The following SEZ6L variants were observed in gnomAD, a reference collection of about 807,000 sequenced individuals.
SEZ6L encodes the protein seizure related 6 homolog like, also known as seizure 6-like protein.
SEZ6L carries 37 observed loss-of-function variants against 106.2 expected under a neutral mutation model. The observed-to-expected ratio is 0.35, with a 90% CI of 0.27 to 0.46. The LOEUF (loss-of-function observed/expected upper bound fraction) is 0.46. Among genes scored for constraint, SEZ6L ranks in the 20% least tolerant of loss-of-function variants. SEZ6L has a pLI of 1.00. For synonymous variants in SEZ6L, 541 were observed against 570.4 expected, an observed-to-expected ratio of 0.95 and a Z score of 0.73; for missense variants, 1,172 against 1,332.8, an observed-to-expected ratio of 0.88 and a Z score of 1.88.
chr22:26,327,147 C>T (rs62225712), intron 9 of SEZ6L, among the ~76,000 whole-genome samples: 15,615 of 151,634 alleles, frequency 0.1, 1,132 homozygotes, highest in Admixed American at 0.24. Flanking sequence ...CTTCCTCCAG[C>T]AATGCAGAGC....
intron 12 of SEZ6L, among the ~76,000 whole-genome samples, chr22:26,363,325 G>A (rs757451325): frequency 2.0e-5 from 3 of 152,226 alleles, no homozygotes; most frequent in Non-Finnish European, 4.4e-5. Flanking sequence ...ACTGTACTGT[G>A]TGCCTTGAAC....
At chr22:26,249,523 CGTGTGT>C (rs140057852) in intron 1 of SEZ6L, among the ~76,000 whole-genome samples, 1 of 151,116 alleles carries the variant, frequency 6.6e-6, no homozygotes, top group East Asian at 1.9e-4. Context: ...GAATAGTATT[CGTGTGT>C]GTGTGTGTGT....
At chr22:26,185,386 TGTGA>T (rs1404874543) in intron 1 of SEZ6L, among the ~76,000 whole-genome samples, 1 of 152,224 alleles carries the variant, frequency 6.6e-6, no homozygotes, top group African/African-American at 2.4e-5. Flanking sequence ...AAATATGCTG[TGTGA>T]CCTTGGGCCC....
intron 9 of SEZ6L, among the ~76,000 whole-genome samples, chr22:26,331,817 C>T (rs2082488928): frequency 6.6e-6 from 1 of 151,842 alleles, no homozygotes; most frequent in South Asian, 2.1e-4. Context: ...ATGCTGTCTC[C>T]ACTAAAAACA....
intron 12 of SEZ6L, among the ~76,000 whole-genome samples, chr22:26,356,826 CA>C (rs1321421624): frequency 6.6e-6 from 1 of 151,972 alleles, no homozygotes; most frequent in East Asian, 1.9e-4. Flanking sequence ...ACGAGCACCA[CA>C]AAAAAATCCA....
chr22:26,375,446 G>C (rs970142245), intron 14 of SEZ6L, 129 bp from the exon 15 acceptor site: 1 of 704,656 alleles, frequency 1.4e-6, no homozygotes, highest in African/African-American at 1.8e-5. Flanking sequence ...GGCTCTGCAA[G>C]GTCTAAGGCC....
intron 1 of SEZ6L, among the ~76,000 whole-genome samples, chr22:26,265,434 T>C (rs1458474972): frequency 6.6e-6 from 1 of 152,218 alleles, no homozygotes; most frequent in Non-Finnish European, 1.5e-5. Context: ...ATTATTTAAA[T>C]AGCATCAAAA....
intron 16 of SEZ6L, 73 bp downstream of exon 16, chr22:26,377,848 C>T (rs2084281588): frequency 8.7e-7 from 1 of 1,151,074 alleles, no homozygotes; most frequent in East Asian, 2.4e-5. Flanking sequence ...TAAGACAAAA[C>T]ATTTCATTTC....
At chr22:26,292,281 T>C (rs1368320598) in intron 1 of SEZ6L, 125 bp from the exon 2 acceptor site, 28 of 636,760 alleles carry the variant, frequency 4.4e-5, no homozygotes, top group South Asian at 1.4e-4. Flanking sequence ...AAAGGAGAAG[T>C]TGGTTTAGAG....
Position 26,294,407 on chromosome 22 carries a change from C to T in SEZ6L, c.951C>T (p.Gly317=), listed in dbSNP as rs1357132034. The T allele has an allele frequency of 6.2e-7, 1 of 1,614,070 alleles. No individual in the cohort carries two copies. Among genetic ancestry groups the T allele is most frequent in the Admixed American group, 1.7e-5 (1 of 60,018 alleles). ...CATACAACGTGACAGTCTACACTGG[C>T]TATGGGGTGGAGCTCCAGGTAACCC... ...ECTYNVTVYT[G]YGVELQVKSV... Residue 317 remains glycine, a synonymous_variant, in exon 3 of 17, where the codon GGC becomes GGT. Coordinates refer to ENST00000248933, the MANE Select transcript of SEZ6L (RefSeq NM_021115.5).
rs1370532617 is a variant in SEZ6L at position 26,305,837 on chromosome 22, C to CT, written c.1349-141dup. The CT allele has an allele frequency of 4.5e-6, 4 of 885,736 alleles. No homozygotes were observed. The East Asian group carries it at 1.1e-4, about 25-fold the overall frequency. 54.9% of individuals were successfully genotyped at this position (885,736 alleles called of 1,614,324 possible). On this transcript the variant is annotated intron_variant, in intron 5 of 16. Coordinates refer to ENST00000248933, the MANE Select transcript of SEZ6L (RefSeq NM_021115.5). Reference sequence around the variant, plus strand: ...CGCTCCAGGTCTCTGATGTTTCATCCTGGGCAAGGGGCAGGGGTGGGGATC... The same window carrying CT: ...CGCTCCAGGTCTCTGATGTTTCATCCTTGGGCAAGGGGCAGGGGTGGGGATC...
At chr22:26,174,912 C>A (rs1938873669) in intron 1 of SEZ6L, among the ~76,000 whole-genome samples, 1 of 152,198 alleles carries the variant, frequency 6.6e-6, no homozygotes, top group Non-Finnish European at 1.5e-5. Flanking sequence ...GCAGAGAATT[C>A]TCACAATAGC....
intron 1 of SEZ6L, among the ~76,000 whole-genome samples, chr22:26,239,513 A>T (rs1468792463): frequency 1.3e-5 from 2 of 152,210 alleles, no homozygotes; most frequent in Non-Finnish European, 1.5e-5. Flanking sequence ...GCAACTAGCG[A>T]GAAGGAGAAT....
At chr22:26,202,828 C>T (rs867583085) in intron 1 of SEZ6L, among the ~76,000 whole-genome samples, 2 of 152,066 alleles carry the variant, frequency 1.3e-5, no homozygotes, top group African/African-American at 2.4e-5. Context: ...TTGCATAGGA[C>T]GAGTCATTAG....
intron 9 of SEZ6L, among the ~76,000 whole-genome samples, chr22:26,321,367 G>A (rs1183845573): frequency 6.6e-6 from 1 of 152,214 alleles, no homozygotes; most frequent in Non-Finnish European, 1.5e-5. Flanking sequence ...GGACAGCCTG[G>A]CGGTGAATGC....
chr22:26,172,761 A>G (rs1300232597), intron 1 of SEZ6L, among the ~76,000 whole-genome samples: 1 of 152,204 alleles, frequency 6.6e-6, no homozygotes, highest in Non-Finnish European at 1.5e-5. Context: ...TGTTTCTCAG[A>G]GAAAAATTAT....
At chr22:26,185,225 G>A (rs1398543816) in intron 1 of SEZ6L, among the ~76,000 whole-genome samples, 2 of 152,262 alleles carry the variant, frequency 1.3e-5, no homozygotes, top group Admixed American at 6.5e-5. Context: ...GAATCTCAAA[G>A]AGAATGGGAA....
At chr22:26,333,283 G>C (rs1242909191) in intron 9 of SEZ6L, among the ~76,000 whole-genome samples, 1 of 152,182 alleles carries the variant, frequency 6.6e-6, no homozygotes, top group African/African-American at 2.4e-5. Context: ...AGGCATGCAG[G>C]GTGTCAGGTG....
At chr22:26,281,157 T>G (rs1257419867) in intron 1 of SEZ6L, among the ~76,000 whole-genome samples, 1 of 143,078 alleles carries the variant, frequency 7.0e-6, no homozygotes, top group African/African-American at 2.5e-5. Context: ...CCTGAATTAA[T>G]GGATTAATGG....
Sources: gnomAD v4.1 joint callset for allele counts (sites outside exome capture counted in the v4.1 genomes callset) on GRCh38, gnomAD v4.1.1 for gene constraint, MANE v1.5 for transcripts, NCBI Gene and HGNC (gene_info 2026-07-23, HGNC 2026-07-21) for gene names.